CNTNAP2: variants seen among roughly 807,000 people sequenced by gnomAD.
CNTNAP2 encodes contactin associated protein 2, also known as contactin-associated protein-like 2.
Under a neutral mutation model 155.2 loss-of-function variants are expected in CNTNAP2, and 98 were observed. That is an observed-to-expected ratio of 0.63 (90% CI 0.54 to 0.75). The LOEUF is 0.75. Ranked by LOEUF, CNTNAP2 falls within the 30% of genes least tolerant of loss-of-function variation. The pLI is 0.00. For missense variants in CNTNAP2, 1,727 were observed against 1,688.1 expected, an observed-to-expected ratio of 1.02 and a Z score of -0.40; for synonymous variants, 651 against 631.2, an observed-to-expected ratio of 1.03 and a Z score of -0.47.
At chr7:146,441,507 T>G (rs1796320547) in intron 1 of CNTNAP2, among the ~76,000 whole-genome samples, 1 of 151,496 alleles carries the variant, frequency 6.6e-6, no homozygotes, top group Non-Finnish European at 1.5e-5. Context: ...GCTGATTACA[T>G]GCATGGCCAT....
chr7:146,577,447 A>G (rs886936435), intron 1 of CNTNAP2, among the ~76,000 whole-genome samples: 2 of 152,158 alleles, frequency 1.3e-5, no homozygotes, highest in Admixed American at 6.6e-5. Flanking sequence ...ACTGTAGAAC[A>G]AAATAGTGGT....
At chr7:147,342,636 C>T (rs1795784564) in intron 9 of CNTNAP2, among the ~76,000 whole-genome samples, 1 of 152,166 alleles carries the variant, frequency 6.6e-6, no homozygotes, top group African/African-American at 2.4e-5. Context: ...TTCAGTTGTG[C>T]TCATCCAAGG....
chr7:146,301,620 TG>T (rs1800612188), intron 1 of CNTNAP2, among the ~76,000 whole-genome samples: 1 of 152,012 alleles, frequency 6.6e-6, no homozygotes, highest in Non-Finnish European at 1.5e-5. Context: ...AGTGAGACTC[TG>T]TCTCAACAAT....
At chr7:146,587,237 G>A (rs1798706536) in intron 1 of CNTNAP2, among the ~76,000 whole-genome samples, 1 of 152,010 alleles carries the variant, frequency 6.6e-6, no homozygotes, top group Non-Finnish European at 1.5e-5. Flanking sequence ...CTTTTTATTA[G>A]CACCTATTAT....
At position 146,403,826 on chromosome 7, in the gene CNTNAP2, C is replaced by T. The variant is rs1795747651; in HGVS notation, c.97+286853C>T. On this transcript the variant is annotated intron_variant, in intron 1 of 23. Transcript: ENST00000361727. Reference sequence around the variant, plus strand: ...TCTTCACTGGGATAGTCATGAATTTCCAGTTTCGGTGTACTGAGATTCAGT... The same window carrying T: ...TCTTCACTGGGATAGTCATGAATTTTCAGTTTCGGTGTACTGAGATTCAGT... Among the ~76,000 whole-genome samples, 2 of 152,246 alleles carry T rather than the reference C, an allele frequency of 1.3e-5. 1 individual carries two copies. The highest frequency in any genetic ancestry group is 4.8e-5 in the African/African-American group (2 of 41,550).
rs1222765023 is a variant in CNTNAP2 at position 148,001,043 on chromosome 7, G to T, written c.2383+23054G>T. 2.0e-5 allele frequency among the ~76,000 whole-genome samples: 3 copies of T among 152,256 alleles called. No homozygotes were observed. In the East Asian group the frequency reaches 5.8e-4, roughly 29 times the overall value. ...AAGTGTCCTTTCTGTCTCATGTCAG[G>T]AAAGTCTCATTGGATTTAGGACCCA... is the stretch of plus-strand genomic sequence containing the variant. On this transcript the variant is annotated intron_variant, in intron 15 of 23. Transcript: ENST00000361727.
chr7:146,118,058 T>G (rs1797511961), intron 1 of CNTNAP2, among the ~76,000 whole-genome samples: 1 of 152,224 alleles, frequency 6.6e-6, no homozygotes, highest in East Asian at 1.9e-4. Flanking sequence ...TCTAAGATTT[T>G]GGGATGTATT....
intron 2 of CNTNAP2, among the ~76,000 whole-genome samples, chr7:146,809,610 C>T (rs111762268): frequency 0.043 from 6,478 of 151,764 alleles, 443 homozygotes; most frequent in African/African-American, 0.14. Flanking sequence ...GTGATTTGCC[C>T]GCCTCAGCCT....
intron 1 of CNTNAP2, among the ~76,000 whole-genome samples, chr7:146,149,758 C>T (rs888364224): frequency 6.6e-6 from 1 of 150,924 alleles, no homozygotes; most frequent in African/African-American, 2.4e-5. Context: ...ATAGATGGCA[C>T]ATAGACCTAA....
At chr7:146,287,711 A>G (rs537667485) in intron 1 of CNTNAP2, among the ~76,000 whole-genome samples, 10 of 152,204 alleles carry the variant, frequency 6.6e-5, no homozygotes, top group Non-Finnish European at 1.5e-4. Flanking sequence ...TTGAGCGCAT[A>G]GAGTTGATAT....
intron 1 of CNTNAP2, among the ~76,000 whole-genome samples, chr7:146,358,237 T>G (rs112733412): frequency 0.14 from 21,994 of 151,928 alleles, 4,070 homozygotes; most frequent in African/African-American, 0.43. Flanking sequence ...GGTTTCCCCG[T>G]GTTAGCCAGG....
intron 13 of CNTNAP2, among the ~76,000 whole-genome samples, chr7:147,697,480 TC>T (rs1284632466): frequency 6.6e-6 from 1 of 152,132 alleles, no homozygotes; most frequent in Non-Finnish European, 1.5e-5. Context: ...AATTTCAACA[TC>T]CCTACCATAT....
At chr7:146,308,444 G>A (rs192209654) in intron 1 of CNTNAP2, among the ~76,000 whole-genome samples, 8 of 152,224 alleles carry the variant, frequency 5.3e-5, no homozygotes, top group Non-Finnish European at 7.4e-5. Flanking sequence ...TCTAGAACTA[G>A]AAATACCATT....
chr7:148,172,104 T>TGCA, intron 17 of CNTNAP2, 138 bp from the exon 18 acceptor site: 3 of 865,796 alleles, frequency 3.5e-6, no homozygotes, highest in Non-Finnish European at 5.7e-6. Flanking sequence ...TTTCTCTATT[T>TGCA]AGATAGGACC....
intron 9 of CNTNAP2, among the ~76,000 whole-genome samples, chr7:147,351,918 ATCT>A (rs1192251132): frequency 6.6e-6 from 1 of 151,910 alleles, no homozygotes; most frequent in Non-Finnish European, 1.5e-5. Flanking sequence ...TAAGGTGAAA[ATCT>A]TCTTTCAATG....
At chr7:146,790,208 T>G in intron 2 of CNTNAP2, among the ~76,000 whole-genome samples, 1 of 152,154 alleles carries the variant, frequency 6.6e-6, no homozygotes. Context: ...TTATCTACCT[T>G]CTCTATAGAT....
chr7:146,541,901 A>C (rs1203557279), intron 1 of CNTNAP2, among the ~76,000 whole-genome samples: 1 of 152,014 alleles, frequency 6.6e-6, no homozygotes, highest in Non-Finnish European at 1.5e-5. Context: ...TGAATTTCCC[A>C]TATTGTTAAT....
intron 3 of CNTNAP2, among the ~76,000 whole-genome samples, chr7:146,942,760 G>C (rs1012375678): frequency 6.6e-6 from 1 of 152,094 alleles, no homozygotes; most frequent in Non-Finnish European, 1.5e-5. Context: ...GCCAATGTTA[G>C]TGTGTTTTGG....
intron 8 of CNTNAP2, among the ~76,000 whole-genome samples, chr7:147,193,682 C>T (rs1007287086): frequency 1.3e-5 from 2 of 152,002 alleles, no homozygotes; most frequent in Non-Finnish European, 2.9e-5. Flanking sequence ...AAACAAGAGC[C>T]AGGAAATAAA....
Sources: gnomAD v4.1 joint callset for allele counts (sites outside exome capture counted in the v4.1 genomes callset) on GRCh38, gnomAD v4.1.1 for gene constraint, MANE v1.5 for transcripts, NCBI Gene and HGNC (gene_info 2026-07-23, HGNC 2026-07-21) for gene names.